VAV3: variants seen among roughly 807,000 people sequenced by gnomAD.
The protein encoded by VAV3 is guanine nucleotide exchange factor VAV3.
VAV3 carries 94 observed loss-of-function variants against 131.2 expected under a neutral mutation model. The ratio of observed to expected loss-of-function variants is 0.72; its 90% CI spans 0.61 to 0.85. The LOEUF (loss-of-function observed/expected upper bound fraction) is 0.85, where lower values mean the gene tolerates loss of function less well. VAV3 is among the 40% of genes least tolerant of loss of function. The pLI, the probability that VAV3 is intolerant of heterozygous loss-of-function variation, is 0.00. For synonymous variants in VAV3, 349 were observed against 342.0 expected (o/e 1.02, Z -0.22); for missense variants, 939 against 1,002.7 (o/e 0.94, Z 0.86).
intron 15 of VAV3, among the ~76,000 whole-genome samples, chr1:107,737,335 A>G (rs562605318): frequency 1.9e-3 from 293 of 152,358 alleles, no homozygotes; most frequent in African/African-American, 6.9e-3. Flanking sequence ...CAATGGCAAC[A>G]AAAGCCAAAA....
In VAV3 at chr1:107,860,493, T is replaced by A; in HGVS notation, c.321+14408A>T. Among the ~76,000 whole-genome samples the A allele has an allele frequency of 1.3e-5, 2 of 151,458 alleles. 1 individual carries two copies. Among genetic ancestry groups the A allele is most frequent in the Non-Finnish European group, 3.0e-5 (2 of 67,764 alleles). ...ATGAACTCATTTCTGTATTAACCTA[T>A]TGGGTTTCTTTTTTACTTGACTTCA... is the stretch of plus-strand genomic sequence containing the variant. On this transcript the variant is annotated intron_variant, in intron 2 of 26. Transcript: ENST00000370056.
At position 107,889,345 on chromosome 1, in the gene VAV3, T is replaced by C. The variant is rs146818889; in HGVS notation, c.205-14328A>G. ...CACTACCCAGAGTTGCCACGCAAGG[T>C]TTAACACAGAAATGTAATGGCATGA... is the stretch of plus-strand genomic sequence containing the variant. On this transcript the variant is annotated intron_variant, in intron 1 of 26. Coordinates refer to ENST00000370056, the MANE Select transcript of VAV3 (RefSeq NM_006113.5). 4.1e-3 allele frequency among the ~76,000 whole-genome samples: 626 copies of C among 152,116 alleles called. 5 individuals carry two copies. Among genetic ancestry groups the C allele is most frequent in the African/African-American group, 0.014 (588 of 41,492 alleles).
chr1:107,826,624 A>C (rs1200224789), intron 2 of VAV3, among the ~76,000 whole-genome samples: 1 of 152,192 alleles, frequency 6.6e-6, no homozygotes, highest in East Asian at 1.9e-4. Context: ...TGAACTTCCA[A>C]TGTTAGCGAA....
chr1:107,880,796 CAAA>C (rs750966707), intron 1 of VAV3, among the ~76,000 whole-genome samples: 1 of 86,544 alleles, frequency 1.2e-5, no homozygotes, highest in Non-Finnish European at 2.2e-5. Flanking sequence ...ATTCTGTCTC[CAAA>C]AAAAAAAAAG....
intron 21 of VAV3, among the ~76,000 whole-genome samples, chr1:107,614,489 AT>A (rs758495009): frequency 2.7e-4 from 41 of 152,058 alleles, no homozygotes; most frequent in African/African-American, 8.7e-4. Flanking sequence ...TAAAAAAAAA[AT>A]CTATAATTTC....
intron 1 of VAV3, among the ~76,000 whole-genome samples, chr1:107,932,681 T>G (rs562606394): frequency 2.7e-4 from 41 of 152,274 alleles, no homozygotes; most frequent in Middle Eastern, 6.8e-3. Flanking sequence ...GTCCTAAATA[T>G]AATCACAACT....
intron 26 of VAV3, among the ~76,000 whole-genome samples, 193 bp downstream of exon 26, chr1:107,573,854 C>T (rs1452563749): frequency 6.6e-6 from 1 of 152,178 alleles, no homozygotes; most frequent in Non-Finnish European, 1.5e-5. Flanking sequence ...ATGTCACTAT[C>T]ATATTCATTT....
chr1:107,958,575 A>C (rs1421078846), intron 1 of VAV3, among the ~76,000 whole-genome samples: 20 of 152,228 alleles, frequency 1.3e-4, no homozygotes, highest in Non-Finnish European at 1.5e-5. Context: ...TGGTATTCAG[A>C]ATAGTCACAA....
At chr1:107,633,528 C>T (rs544264203) in intron 20 of VAV3, among the ~76,000 whole-genome samples, 8 of 152,250 alleles carry the variant, frequency 5.3e-5, no homozygotes, top group South Asian at 4.1e-4. Flanking sequence ...GCTGCTCATG[C>T]GGCTTCAAAA....
chr1:107,911,111 T>G (rs1045989443), intron 1 of VAV3, among the ~76,000 whole-genome samples: 7 of 152,334 alleles, frequency 4.6e-5, no homozygotes, highest in African/African-American at 1.7e-4. Flanking sequence ...GCAGACTCCC[T>G]TCGCCTCCCA....
At chr1:107,918,145 C>T (rs1181143507) in intron 1 of VAV3, among the ~76,000 whole-genome samples, 2 of 152,078 alleles carry the variant, frequency 1.3e-5, no homozygotes, top group Non-Finnish European at 2.9e-5. Flanking sequence ...TGTCCAGGTC[C>T]GAACATACAG....
chr1:107,683,892 T>A (rs1658833401), intron 18 of VAV3, among the ~76,000 whole-genome samples: 1 of 152,176 alleles, frequency 6.6e-6, no homozygotes. Flanking sequence ...CCAAGACATA[T>A]GAGCAACAAC....
At chr1:107,711,934 C>T (rs1660809198) in intron 15 of VAV3, among the ~76,000 whole-genome samples, 1 of 152,144 alleles carries the variant, frequency 6.6e-6, no homozygotes, top group Admixed American at 6.5e-5. Context: ...GATCTGCCCA[C>T]CTCAGCCTCC....
At chr1:107,621,148 A>C (rs1006525274) in intron 20 of VAV3, among the ~76,000 whole-genome samples, 5 of 151,674 alleles carry the variant, frequency 3.3e-5, no homozygotes. Context: ...GAGGGAAAAA[A>C]TTTCACTAAA....
chr1:107,938,262 T>TC (rs1244143324), intron 1 of VAV3, among the ~76,000 whole-genome samples: 1 of 152,060 alleles, frequency 6.6e-6, no homozygotes, highest in African/African-American at 2.4e-5. Flanking sequence ...GTCCCCACCT[T>TC]CTATCCTTCA....
intron 2 of VAV3, among the ~76,000 whole-genome samples, chr1:107,794,279 T>G (rs6583049): frequency 0.17 from 26,008 of 152,252 alleles, 2,519 homozygotes; most frequent in East Asian, 0.4. Flanking sequence ...ATTTGTGGTT[T>G]GTGTGTGCTG....
intron 20 of VAV3, among the ~76,000 whole-genome samples, chr1:107,637,414 G>C (rs1159876921): frequency 2.6e-5 from 4 of 152,164 alleles, no homozygotes; most frequent in African/African-American, 9.7e-5. Flanking sequence ...CTTGAGGTCA[G>C]GAGTTTGAGA....
Position 107,778,763 on chromosome 1 carries a change from G to A in VAV3, c.380+671C>T, listed in dbSNP as rs141311273. On this transcript the variant is annotated intron_variant, in intron 3 of 26. Coordinates refer to ENST00000370056, the MANE Select transcript of VAV3 (RefSeq NM_006113.5). ...TGATCCATTTCCATGAAACCAGGCT[G>A]AGTAGAGACTGTTTTGCTTTATTTC... is the stretch of plus-strand genomic sequence containing the variant. 4.1e-3 allele frequency among the ~76,000 whole-genome samples: 624 copies of A among 152,302 alleles called. 14 individuals carry two copies. Among genetic ancestry groups the A allele is most frequent in the East Asian group, 4.6e-3 (24 of 5,190 alleles).
chr1:107,683,552 C>T lies in VAV3; in HGVS notation c.1732-19G>A. On this transcript the variant is annotated intron_variant, in intron 18 of 26. Coordinates refer to ENST00000370056, the MANE Select transcript of VAV3 (RefSeq NM_006113.5). ...TCCGTTTCTGTGCAGTAAAGTAAAA[C>T]AAAGCAAAACAAATATGTGTTGGTA... 6.2e-7 allele frequency: 1 copy of T among 1,613,028 alleles called. No individual in the cohort carries two copies. The highest frequency in any genetic ancestry group is 8.5e-7 in the Non-Finnish European group (1 of 1,179,196).
Sources: gnomAD v4.1 joint callset for allele counts (sites outside exome capture counted in the v4.1 genomes callset) on GRCh38, gnomAD v4.1.1 for gene constraint, MANE v1.5 for transcripts, NCBI Gene and HGNC (gene_info 2026-07-23, HGNC 2026-07-21) for gene names.